The following FCHO1 variants were observed in gnomAD, a reference collection of about 807,000 sequenced individuals.
The protein encoded by FCHO1 is F-BAR domain only protein 1.
A neutral mutation model predicts 114.4 loss-of-function variants in FCHO1; 45 were observed. The ratio of observed to expected loss-of-function variants is 0.39; its 90% CI spans 0.31 to 0.50. The LOEUF (loss-of-function observed/expected upper bound fraction) is 0.50. FCHO1 is among the 20% of genes least tolerant of loss of function. The probability of loss-of-function intolerance (pLI) is 0.77; values close to 1 mark genes in which losing one functional copy is unlikely to be tolerated. For missense variants in FCHO1, 1,042 were observed against 1,209.6 expected, an observed-to-expected ratio of 0.86 and a Z score of 2.06; for synonymous variants, 480 against 488.9, an observed-to-expected ratio of 0.98 and a Z score of 0.24.
chr19:17,767,653 TA>T (rs752511831), intron 7 of FCHO1, among the ~76,000 whole-genome samples: 197 of 147,278 alleles, frequency 1.3e-3, no homozygotes, highest in Non-Finnish European at 2.5e-3. Flanking sequence ...TAAAGAAAAA[TA>T]AAATTTCACC....
At chr19:17,780,378 G>T (rs923120339) in intron 20 of FCHO1, among the ~76,000 whole-genome samples, 1 of 152,078 alleles carries the variant, frequency 6.6e-6, no homozygotes, top group Non-Finnish European at 1.5e-5. Context: ...TGGACAGGCT[G>T]GTCTCGAACT....
chr19:17,757,008 G>A (rs971156486), intron 4 of FCHO1, among the ~76,000 whole-genome samples: 4 of 151,990 alleles, frequency 2.6e-5, no homozygotes, highest in Non-Finnish European at 5.9e-5. Context: ...GGCCAACATG[G>A]CAAGACCCCA....
chr19:17,769,504 G>A (rs1017182732), intron 7 of FCHO1, among the ~76,000 whole-genome samples: 4 of 151,622 alleles, frequency 2.6e-5, no homozygotes, highest in Non-Finnish European at 5.9e-5. Flanking sequence ...GCGTGAACCC[G>A]GGAGGCGGAG....
chr19:17,755,223 C>T, intron 4 of FCHO1, 32 bp downstream of exon 4: 1 of 1,584,944 alleles, frequency 6.3e-7, no homozygotes, highest in Non-Finnish European at 8.6e-7. Context: ...GCGGGGGATG[C>T]TGGCAGGGCT....
intron 20 of FCHO1, among the ~76,000 whole-genome samples, chr19:17,780,564 G>C (rs1245410029): frequency 6.6e-6 from 1 of 152,134 alleles, no homozygotes; most frequent in Non-Finnish European, 1.5e-5. Flanking sequence ...CAGGAGTGGT[G>C]CTCCTGGCAT....
intron 23 of FCHO1, among the ~76,000 whole-genome samples, 165 bp downstream of exon 23, chr19:17,781,985 G>A (rs889130457): frequency 7.4e-6 from 1 of 134,874 alleles, no homozygotes; most frequent in Non-Finnish European, 1.6e-5. Flanking sequence ...CCATAGGAGG[G>A]CCTTTTTTTT....
At chr19:17,783,674 G>A (rs1038746816) in intron 24 of FCHO1, among the ~76,000 whole-genome samples, 3 of 151,818 alleles carry the variant, frequency 2.0e-5, no homozygotes, top group Non-Finnish European at 2.9e-5. Flanking sequence ...TCCGCCTTCC[G>A]GATTCAAGTG....
At position 17,786,558 on chromosome 19, in the gene FCHO1, A is replaced by T. The variant is rs770750982; in HGVS notation, c.2427-16A>T. 1 of 1,489,146 alleles carries T rather than the reference A, an allele frequency of 6.7e-7. No homozygotes were observed. The highest frequency in any genetic ancestry group is 9.0e-7 in the Non-Finnish European group (1 of 1,105,358). The allele number at this position is 1,489,146 out of a possible 1,614,324, so 92.2% of individuals were successfully genotyped here. A position where few individuals can be genotyped will look rare whatever the true frequency, so the allele number is the denominator to read the frequency against. On this transcript the variant is annotated splice_polypyrimidine_tract_variant and intron_variant, in intron 26 of 28. Transcript: ENST00000596536. ...CCTCTCTGGGGAAGCCCTGATTAAG[A>T]TTCTTTCTCTGCCAGGAACCTGGAG... is the stretch of plus-strand genomic sequence containing the variant.
At chr19:17,773,607 A>C (rs2092100636) in intron 11 of FCHO1, among the ~76,000 whole-genome samples, 1 of 152,108 alleles carries the variant, frequency 6.6e-6, no homozygotes, top group South Asian at 2.1e-4. Context: ...TGTCACTCAA[A>C]GCCCAGCCCA....
At position 17,774,280 on chromosome 19, in the gene FCHO1, GA is replaced by G; in HGVS notation, c.834del (p.Ala279ArgfsTer2). ...FEAYSAAALQEAMKRLRGAKA... is the reference protein window; with the variant it reads ...FEAYSAAALQXAMKRLRGAKA... Reference sequence around the variant, plus strand: ...GGCATACAGTGCGGCTGCCCTGCAGGAAGGCAAGTACGTCTGGGCCTGGATG... The same window carrying G: ...GGCATACAGTGCGGCTGCCCTGCAGGAGGCAAGTACGTCTGGGCCTGGATG... On this transcript the variant is annotated frameshift_variant and splice_region_variant, in exon 12 of 29. Transcript: ENST00000596536. LOFTEE classifies it high-confidence loss of function. 6.2e-7 allele frequency: 1 copy of G among 1,614,126 alleles called. No individual in the cohort carries two copies. Among genetic ancestry groups the G allele is most frequent in the South Asian group, 1.1e-5 (1 of 91,088 alleles).
chr19:17,778,296 G>A (rs1169825352), intron 19 of FCHO1, 68 bp downstream of exon 19: 5 of 1,314,658 alleles, frequency 3.8e-6, no homozygotes, highest in Middle Eastern at 2.4e-4. Context: ...CCATTGCAGA[G>A]TTAGGCCAAT....
At chr19:17,772,967 C>G (rs965716599) in intron 11 of FCHO1, among the ~76,000 whole-genome samples, 25 of 152,102 alleles carry the variant, frequency 1.6e-4, no homozygotes, top group African/African-American at 5.8e-4. Flanking sequence ...ATGGCCAGGC[C>G]TTGGTTTCTT....
chr19:17,778,611 T>G lies in FCHO1; in HGVS notation c.1354T>G (p.Ser452Ala), dbSNP rs748187975. ...SAFDHEDFTGSSSLGFTSSPS... is the reference protein window; with the variant it reads ...SAFDHEDFTGASSLGFTSSPS... ...GACCGCCCGCTTCCCTCCCCAAGGC[T>G]CTAGCAGCCTGGGCTTCACCTCCAG... Residue 452 changes from serine (S) to alanine (A), a missense_variant and splice_region_variant, in exon 20 of 29, where the codon TCT (serine) becomes GCT (alanine). Around this residue, in one of 3 missense-constraint regions of FCHO1, gnomAD observed 455 missense variants for 455.4 expected, o/e 1.00. Coordinates refer to ENST00000596536, the MANE Select transcript of FCHO1 (RefSeq NM_015122.3). The G allele has an allele frequency of 4.3e-5, 67 of 1,555,608 alleles. No homozygotes were observed. Among genetic ancestry groups the G allele is most frequent in the Non-Finnish European group, 5.6e-5 (64 of 1,150,862 alleles).
intron 19 of FCHO1, 117 bp downstream of exon 19, chr19:17,778,345 C>T: frequency 4.6e-6 from 3 of 645,938 alleles, no homozygotes; most frequent in African/African-American, 1.9e-5. Flanking sequence ...AGGACTAGTC[C>T]GTGTAGGGGT....
At chr19:17,756,337 T>A (rs571605116) in intron 4 of FCHO1, among the ~76,000 whole-genome samples, 5 of 152,328 alleles carry the variant, frequency 3.3e-5, no homozygotes, top group Non-Finnish European at 7.3e-5. Context: ...TGCCGTGTAA[T>A]GGAGGTGACC....
intron 9 of FCHO1, 29 bp downstream of exon 9, chr19:17,770,925 AC>A: frequency 6.3e-7 from 1 of 1,581,810 alleles, no homozygotes; most frequent in South Asian, 1.1e-5. Context: ...TACCTTTAAG[AC>A]CCACACATGC....
intron 4 of FCHO1, among the ~76,000 whole-genome samples, chr19:17,759,226 CTTT>C (rs1473282318): frequency 1.9e-5 from 2 of 105,916 alleles, no homozygotes; most frequent in East Asian, 6.5e-4. Flanking sequence ...AGCTGATTAC[CTTT>C]TTTTTTTTTT....
At chr19:17,762,245 C>G in intron 4 of FCHO1, among the ~76,000 whole-genome samples, 1 of 151,500 alleles carries the variant, frequency 6.6e-6, no homozygotes, top group East Asian at 1.9e-4. Context: ...CTTGGCTTCT[C>G]AAAGTGTTGG....
chr19:17,761,288 AAC>A (rs2086057413), intron 4 of FCHO1, among the ~76,000 whole-genome samples: 1 of 152,084 alleles, frequency 6.6e-6, no homozygotes, highest in African/African-American at 2.4e-5. Flanking sequence ...AAGAACAGAA[AAC>A]ACAACTACAG....
Sources: gnomAD v4.1 joint callset for allele counts (sites outside exome capture counted in the v4.1 genomes callset) on GRCh38, gnomAD v4.1.1 for gene constraint, gnomAD v4.1.1 regional missense constraint, MANE v1.5 for transcripts, NCBI Gene and HGNC (gene_info 2026-07-23, HGNC 2026-07-21) for gene names.